Variants in PPFIBP2 observed in about 807,000 individuals in gnomAD.
PPFIBP2 encodes liprin-beta-2.
PPFIBP2 carries 118 observed loss-of-function variants against 118.3 expected under a neutral mutation model. The ratio of observed to expected loss-of-function variants is 1.00; its 90% CI spans 0.86 to 1.16. The LOEUF (loss-of-function observed/expected upper bound fraction) is 1.16. Ranked by LOEUF, PPFIBP2 falls within the 50% of genes most tolerant of loss-of-function variation. The pLI is 0.00. For synonymous variants in PPFIBP2, 414 were observed against 397.4 expected, an observed-to-expected ratio of 1.04 and a Z score of -0.50; for missense variants, 1,195 against 1,073.1, an observed-to-expected ratio of 1.11 and a Z score of -1.59.
At chr11:7,597,528 G>T in intron 4 of PPFIBP2, 32 bp from the exon 5 acceptor site, 1 of 1,594,286 alleles carries the variant, frequency 6.3e-7, no homozygotes. Context: ...CAAATCCCTG[G>T]TCCTCCACCA....
intron 7 of PPFIBP2, among the ~76,000 whole-genome samples, chr11:7,624,691 T>C (rs1294337077): frequency 1.3e-5 from 2 of 152,244 alleles, no homozygotes; most frequent in Non-Finnish European, 1.5e-5. Flanking sequence ...TTGAACCGAT[T>C]ATCCACAAAG....
chr11:7,528,901 C>T (rs1850445275), intron 1 of PPFIBP2, among the ~76,000 whole-genome samples: 1 of 152,136 alleles, frequency 6.6e-6, no homozygotes. Flanking sequence ...CCCAGTTCTC[C>T]ATCCAGTTTG....
intron 1 of PPFIBP2, among the ~76,000 whole-genome samples, chr11:7,526,054 A>G (rs1187491999): frequency 6.6e-6 from 1 of 152,226 alleles, no homozygotes; most frequent in Non-Finnish European, 1.5e-5. Flanking sequence ...AGAAATTTTA[A>G]AGAACTCAGG....
At position 7,601,710 on chromosome 11, in the gene PPFIBP2, A is replaced by C. The variant is rs144093067; in HGVS notation, c.486+4037A>C. On this transcript the variant is annotated intron_variant, in intron 5 of 23. Transcript: ENST00000299492. ...CGCTGTGGCTCATGCCTGTAATCCC[A>C]GCACTTTGGGAGGCCGAGGTGGACG... Among the ~76,000 whole-genome samples the C allele has an allele frequency of 9.8e-3, 1,497 of 152,334 alleles. 22 individuals are homozygous for C. Among genetic ancestry groups the C allele is most frequent in the African/African-American group, 0.034 (1,393 of 41,574 alleles).
the PPFIBP2 span, among the ~76,000 whole-genome samples, chr11:7,664,813 C>T: frequency 2.5e-4 from 38 of 151,364 alleles, no homozygotes; most frequent in South Asian, 7.2e-3. Context: ...CCCTCCCCCC[C>T]ACCCCGACAG....
At chr11:7,589,125 A>G (rs879510863) in intron 3 of PPFIBP2, among the ~76,000 whole-genome samples, 10 of 152,224 alleles carry the variant, frequency 6.6e-5, no homozygotes, top group Non-Finnish European at 1.5e-4. Context: ...GATCAAATAT[A>G]TGTAACACAG....
At chr11:7,538,160 C>A (rs1337380147) in intron 1 of PPFIBP2, 1 of 152,298 alleles carries the variant, frequency 6.6e-6, no homozygotes, top group Non-Finnish European at 1.5e-5. Context: ...GCCATCAGAA[C>A]CTCAGACTCA....
intron 6 of PPFIBP2, among the ~76,000 whole-genome samples, chr11:7,612,189 G>C (rs1184665945): frequency 6.6e-6 from 1 of 152,206 alleles, no homozygotes; most frequent in Non-Finnish European, 1.5e-5. Flanking sequence ...GTATCACCTG[G>C]TTCTGCTTTA....
At chr11:7,611,640 C>A (rs141663290) in intron 6 of PPFIBP2, among the ~76,000 whole-genome samples, 1 of 152,174 alleles carries the variant, frequency 6.6e-6, no homozygotes, top group Non-Finnish European at 1.5e-5. Context: ...ACCTTGGTCA[C>A]GTAATTTAAC....
At chr11:7,579,470 A>T (rs1856942777) in intron 3 of PPFIBP2, among the ~76,000 whole-genome samples, 1 of 152,096 alleles carries the variant, frequency 6.6e-6, no homozygotes, top group Admixed American at 6.5e-5. Flanking sequence ...CTGGGGAGAT[A>T]CTGAAAGGAA....
intron 1 of PPFIBP2, among the ~76,000 whole-genome samples, chr11:7,547,182 G>C (rs1236856283): frequency 6.6e-6 from 1 of 152,204 alleles, no homozygotes; most frequent in East Asian, 1.9e-4. Flanking sequence ...GGCGGTGTGG[G>C]GAAGCCCTCT....
chr11:7,646,476 AAATC>A (rs1853080768), intron 17 of PPFIBP2, among the ~76,000 whole-genome samples: 1 of 152,262 alleles, frequency 6.6e-6, no homozygotes, highest in African/African-American at 2.4e-5. Flanking sequence ...AAGAAAGACT[AAATC>A]AACCGTCTGT....
chr11:7,644,113 CATT>C (rs10579334), intron 17 of PPFIBP2, among the ~76,000 whole-genome samples: 39,136 of 151,798 alleles, frequency 0.26, 5,327 homozygotes, highest in East Asian at 0.39. Context: ...CATTTTTGTT[CATT>C]ATTATTATTG....
At chr11:7,646,181 C>T (rs1256165602) in intron 17 of PPFIBP2, among the ~76,000 whole-genome samples, 1 of 152,156 alleles carries the variant, frequency 6.6e-6, no homozygotes, top group Non-Finnish European at 1.5e-5. Flanking sequence ...ACATGATGTA[C>T]TGACAGTGAC....
intron 4 of PPFIBP2, among the ~76,000 whole-genome samples, chr11:7,596,888 C>G (rs1860423551): frequency 6.6e-6 from 1 of 152,276 alleles, no homozygotes; most frequent in African/African-American, 2.4e-5. Flanking sequence ...TGAGTTTTTA[C>G]TAATTAATAT....
At chr11:7,519,433 A>G (rs1564932492) in intron 1 of PPFIBP2, among the ~76,000 whole-genome samples, 1 of 152,246 alleles carries the variant, frequency 6.6e-6, no homozygotes. Context: ...CGTTGGCAAT[A>G]CTTGCTTAAA....
At chr11:7,527,655 G>T (rs141413634) in intron 1 of PPFIBP2, among the ~76,000 whole-genome samples, 1 of 152,176 alleles carries the variant, frequency 6.6e-6, no homozygotes, top group South Asian at 2.1e-4. Flanking sequence ...AAAGATGTTG[G>T]GGGGGCCTGG....
rs200073779 is a variant in PPFIBP2 at position 7,648,545 on chromosome 11, C to T, written c.1797+8C>T. 105 of 1,613,660 alleles carry T rather than the reference C, an allele frequency of 6.5e-5. No individual in the cohort carries two copies. In the Admixed American group the frequency reaches 1.7e-3, roughly 27 times the overall value. ...CCTCAGGACATGGAAAAGGTAAGGG[C>T]TCAGCTTGGGGAGAGGAGGCTCCCA... On this transcript the variant is annotated splice_region_variant and intron_variant, in intron 18 of 23. Coordinates refer to ENST00000299492, the MANE Select transcript of PPFIBP2 (RefSeq NM_003621.5).
At chr11:7,534,448 C>G (rs1018484757) in intron 1 of PPFIBP2, among the ~76,000 whole-genome samples, 1 of 152,178 alleles carries the variant, frequency 6.6e-6, no homozygotes, top group Non-Finnish European at 1.5e-5. Flanking sequence ...TGTTTATGAT[C>G]TGGTTGAGGC....
Sources: gnomAD v4.1 joint callset for allele counts (sites outside exome capture counted in the v4.1 genomes callset) on GRCh38, gnomAD v4.1.1 for gene constraint, MANE v1.5 for transcripts, NCBI Gene and HGNC (gene_info 2026-07-23, HGNC 2026-07-21) for gene names.